Variants in EFCAB11 observed in about 807,000 individuals in gnomAD.
EFCAB11 encodes EF-hand calcium binding domain 11.
A neutral mutation model predicts 23.0 loss-of-function variants in EFCAB11; 14 were observed. That is an observed-to-expected ratio of 0.61 (90% CI 0.40 to 0.95). The LOEUF (loss-of-function observed/expected upper bound fraction) is 0.95, where lower values mean the gene tolerates loss of function less well. EFCAB11 is among the 40% of genes least tolerant of loss of function. EFCAB11 has a pLI of 0.00. For synonymous variants in EFCAB11, 65 were observed against 66.6 expected (o/e 0.98, Z 0.11); for missense variants, 198 against 195.8 (o/e 1.01, Z -0.07).
intron 5 of EFCAB11, among the ~76,000 whole-genome samples, chr14:89,916,465 T>C (rs1889848272): frequency 6.6e-6 from 1 of 152,230 alleles, no homozygotes; most frequent in Non-Finnish European, 1.5e-5. Context: ...TATACAAATG[T>C]GTACTCAATT....
At chr14:89,939,486 A>G (rs1206713116) in intron 3 of EFCAB11, among the ~76,000 whole-genome samples, 1 of 152,142 alleles carries the variant, frequency 6.6e-6, no homozygotes, top group African/African-American at 2.4e-5. Context: ...AGAGCACAGC[A>G]CCAGCAACAG....
chr14:89,827,000 T>C (rs903200252), intron 5 of EFCAB11, among the ~76,000 whole-genome samples: 5 of 152,142 alleles, frequency 3.3e-5, no homozygotes, highest in African/African-American at 1.2e-4. Context: ...TCTGGTACCA[T>C]TTATTATATC....
intron 1 of EFCAB11, 142 bp from the exon 2 acceptor site, chr14:89,954,143 T>C (rs1219410839): frequency 1.1e-6 from 1 of 908,482 alleles, no homozygotes; most frequent in Non-Finnish European, 1.6e-6. Context: ...ATCCCAATAT[T>C]AATTCTCAAG....
chr14:89,837,137 C>G, intron 5 of EFCAB11: 1 of 455,842 alleles, frequency 2.2e-6, no homozygotes, highest in South Asian at 1.6e-5. Context: ...GCTGAAAATC[C>G]TTAGGCCTCT....
intron 5 of EFCAB11, chr14:89,836,549 C>A: frequency 2.2e-6 from 1 of 456,646 alleles, no homozygotes. Flanking sequence ...GGGAGCAGGG[C>A]TAGGGACCAG....
At chr14:89,812,881 A>C (rs1402190971) in intron 5 of EFCAB11, among the ~76,000 whole-genome samples, 1 of 152,234 alleles carries the variant, frequency 6.6e-6, no homozygotes, top group South Asian at 2.1e-4. Context: ...ATTGTGAAGG[A>C]AAAGATCAGA....
At chr14:89,940,909 A>G (rs1890769558) in intron 3 of EFCAB11, among the ~76,000 whole-genome samples, 1 of 152,248 alleles carries the variant, frequency 6.6e-6, no homozygotes, top group African/African-American at 2.4e-5. Context: ...GTTGTTATTT[A>G]TATAGAATGA....
At chr14:89,946,367 G>C (rs922535362) in intron 3 of EFCAB11, among the ~76,000 whole-genome samples, 2 of 151,694 alleles carry the variant, frequency 1.3e-5, no homozygotes, top group Non-Finnish European at 2.9e-5. Context: ...AATCTTTTTT[G>C]CCCTTATGTT....
intron 5 of EFCAB11, among the ~76,000 whole-genome samples, chr14:89,858,157 C>G (rs1887813491): frequency 6.6e-6 from 1 of 152,214 alleles, no homozygotes; most frequent in Non-Finnish European, 1.5e-5. Context: ...TCTCCCTCTC[C>G]TGGCTCTCTT....
intron 5 of EFCAB11, among the ~76,000 whole-genome samples, chr14:89,847,668 G>A (rs180832730): frequency 5.3e-5 from 8 of 150,996 alleles, no homozygotes; most frequent in South Asian, 2.1e-4. Flanking sequence ...GAACCTGGGA[G>A]GTGGAGGTTG....
chr14:89,846,732 G>A (rs944723385), intron 5 of EFCAB11, among the ~76,000 whole-genome samples: 2 of 152,120 alleles, frequency 1.3e-5, no homozygotes, highest in African/African-American at 4.8e-5. Flanking sequence ...TCTATGAATG[G>A]CCTCCTGATC....
intron 5 of EFCAB11, among the ~76,000 whole-genome samples, chr14:89,818,274 C>T (rs926857734): frequency 5.3e-5 from 8 of 152,142 alleles, no homozygotes; most frequent in African/African-American, 1.9e-4. Context: ...TGTAATGTCG[C>T]ACTTTACACT....
At chr14:89,805,660 A>G (rs1885943516) in intron 5 of EFCAB11, among the ~76,000 whole-genome samples, 1 of 152,092 alleles carries the variant, frequency 6.6e-6, no homozygotes, top group Non-Finnish European at 1.5e-5. Flanking sequence ...AGAACAGCAC[A>G]GTGAGCTGGA....
chr14:89,887,649 C>T (rs987793515), intron 5 of EFCAB11, among the ~76,000 whole-genome samples: 1 of 151,982 alleles, frequency 6.6e-6, no homozygotes, highest in Non-Finnish European at 1.5e-5. Context: ...CTGAAAGAAA[C>T]CAGTAAAAGT....
intron 1 of EFCAB11, 200 bp downstream of exon 1, chr14:89,954,386 G>C: frequency 5.2e-6 from 8 of 1,536,198 alleles, no homozygotes; most frequent in Non-Finnish European, 7.0e-6. Flanking sequence ...GAAAGGAGAT[G>C]GAACTTGGAG....
intron 5 of EFCAB11, among the ~76,000 whole-genome samples, chr14:89,808,505 T>C (rs985135638): frequency 1.3e-5 from 2 of 152,184 alleles, no homozygotes; most frequent in African/African-American, 4.8e-5. Context: ...AATAATCCAT[T>C]TGGGAAAATA....
intron 5 of EFCAB11, among the ~76,000 whole-genome samples, chr14:89,928,835 A>C (rs1383533616): frequency 1.4e-5 from 2 of 147,430 alleles, no homozygotes; most frequent in Admixed American, 1.4e-4. Context: ...AAATAATTAT[A>C]TATTACATAT....
chr14:89,814,917 C>T (rs953952065), intron 5 of EFCAB11, among the ~76,000 whole-genome samples: 1 of 152,048 alleles, frequency 6.6e-6, no homozygotes, highest in Non-Finnish European at 1.5e-5. Flanking sequence ...AAGAAAGGAA[C>T]GCCAATTTGT....
intron 5 of EFCAB11, among the ~76,000 whole-genome samples, chr14:89,903,078 G>A (rs557681042): frequency 3.4e-4 from 52 of 152,312 alleles, no homozygotes; most frequent in African/African-American, 1.0e-3. Context: ...GAACAATGCC[G>A]CATCTGCGTT....
Sources: allele counts gnomAD v4.1 joint callset (sites outside exome capture counted in the v4.1 genomes callset), GRCh38; gene constraint gnomAD v4.1.1; transcripts MANE v1.5; gene names NCBI Gene and HGNC (gene_info 2026-07-23, HGNC 2026-07-21).